NRG3: variants seen among roughly 807,000 people sequenced by gnomAD.
NRG3 encodes the protein pro-neuregulin-3, membrane-bound isoform.
Under a neutral mutation model 66.9 loss-of-function variants are expected in NRG3, and 31 were observed. The ratio of observed to expected loss-of-function variants is 0.46; its 90% CI spans 0.35 to 0.63. The LOEUF is 0.63. Ranked by LOEUF, NRG3 falls within the 20% of genes least tolerant of loss-of-function variation. The pLI, the probability that NRG3 is intolerant of heterozygous loss-of-function variation, is 0.00. For synonymous variants in NRG3, 393 were observed against 359.4 expected, an observed-to-expected ratio of 1.09 and a Z score of -1.06; for missense variants, 910 against 878.9, an observed-to-expected ratio of 1.04 and a Z score of -0.45.
At chr10:82,560,403 T>A (rs2044958794) in intron 2 of NRG3, among the ~76,000 whole-genome samples, 1 of 151,198 alleles carries the variant, frequency 6.6e-6, no homozygotes, top group Non-Finnish European at 1.5e-5. Flanking sequence ...GTTTTATAAC[T>A]TTCTTATTAA....
rs764492006 is a variant in NRG3, at chr10:82,358,749, A to G, written c.834A>G (p.Thr278=). 5 of 1,614,154 alleles carry G rather than the reference A, an allele frequency of 3.1e-6. No homozygotes were observed. The South Asian group carries it at 3.3e-5, about 11-fold the overall frequency. The change falls in exon 2 of 9, where the codon ACA becomes ACG. Residue 278 remains threonine, a synonymous_variant. Coordinates refer to ENST00000372141, the MANE Select transcript of NRG3 (RefSeq NM_001010848.4). ...TGCTTTCCCTGACAGATACGACGAC[A>G]TATTCCACAGAGCGATCCGAGCACT... ...TSTSPKFHTT[T]YSTERSEHFK...
At chr10:82,288,237 T>C (rs1247629747) in intron 1 of NRG3, among the ~76,000 whole-genome samples, 1 of 152,224 alleles carries the variant, frequency 6.6e-6, no homozygotes, top group African/African-American at 2.4e-5. Context: ...GAGGCTGTTG[T>C]ATGCTACCCT....
intron 1 of NRG3, among the ~76,000 whole-genome samples, chr10:82,130,400 C>T (rs2068740160): frequency 6.6e-6 from 1 of 150,884 alleles, no homozygotes; most frequent in African/African-American, 2.5e-5. Flanking sequence ...ACAACAGGCC[C>T]CAGTGTGTGA....
At chr10:82,011,085 CT>C (rs2061556350) in intron 1 of NRG3, among the ~76,000 whole-genome samples, 1 of 152,090 alleles carries the variant, frequency 6.6e-6, no homozygotes, top group Admixed American at 6.6e-5. Context: ...CTGCATTGGT[CT>C]GTTGTCATGC....
intron 1 of NRG3, among the ~76,000 whole-genome samples, chr10:81,903,454 C>T (rs1473731599): frequency 2.0e-5 from 3 of 152,142 alleles, no homozygotes; most frequent in African/African-American, 7.2e-5. Flanking sequence ...ATTAAATAAG[C>T]TGGTGTAAGC....
chr10:82,402,926 CA>C (rs2087216377), intron 2 of NRG3, among the ~76,000 whole-genome samples: 1 of 152,078 alleles, frequency 6.6e-6, no homozygotes, highest in African/African-American at 2.4e-5. Flanking sequence ...AAATGTATCT[CA>C]ATAATTGAGT....
intron 1 of NRG3, among the ~76,000 whole-genome samples, chr10:81,946,487 G>A (rs111983785): frequency 4.6e-5 from 7 of 152,182 alleles, no homozygotes; most frequent in African/African-American, 9.6e-5. Context: ...TAATTGCCCC[G>A]GAAGGCTCTT....
intron 1 of NRG3, among the ~76,000 whole-genome samples, chr10:82,222,898 C>T (rs1277380918): frequency 6.6e-6 from 1 of 152,126 alleles, no homozygotes; most frequent in African/African-American, 2.4e-5. Flanking sequence ...GCTTTATTTT[C>T]CTGTCCTGTT....
At chr10:82,337,311 C>T (rs1397197299) in intron 1 of NRG3, among the ~76,000 whole-genome samples, 1 of 152,186 alleles carries the variant, frequency 6.6e-6, no homozygotes, top group Non-Finnish European at 1.5e-5. Flanking sequence ...TTTCAAGGTT[C>T]ACCCATGCTG....
chr10:82,495,599 T>C (rs1843553400), intron 2 of NRG3, among the ~76,000 whole-genome samples: 1 of 152,134 alleles, frequency 6.6e-6, no homozygotes, highest in African/African-American at 2.4e-5. Flanking sequence ...GCAGACAACA[T>C]AGACTTTGTG....
intron 3 of NRG3, among the ~76,000 whole-genome samples, chr10:82,840,358 C>G (rs2062996903): frequency 6.6e-6 from 1 of 152,056 alleles, no homozygotes; most frequent in South Asian, 2.1e-4. Context: ...TCCTTTTTCT[C>G]CTACTTTGTT....
At chr10:82,745,612 A>G (rs1276033225) in intron 3 of NRG3, among the ~76,000 whole-genome samples, 3 of 152,104 alleles carry the variant, frequency 2.0e-5, no homozygotes, top group Non-Finnish European at 4.4e-5. Flanking sequence ...GTCACCATGA[A>G]TCTCACAAAA....
At chr10:82,776,522 C>A (rs1422208148) in intron 3 of NRG3, among the ~76,000 whole-genome samples, 1 of 152,098 alleles carries the variant, frequency 6.6e-6, no homozygotes, top group Non-Finnish European at 1.5e-5. Flanking sequence ...CTTTATGTGC[C>A]TTTTTCCATC....
intron 3 of NRG3, among the ~76,000 whole-genome samples, chr10:82,746,576 C>T (rs1591392731): frequency 6.6e-6 from 1 of 152,198 alleles, no homozygotes; most frequent in Non-Finnish European, 1.5e-5. Context: ...TGTCATCTCT[C>T]CTCTGTCCTT....
intron 1 of NRG3, among the ~76,000 whole-genome samples, chr10:81,943,407 T>C (rs1278892973): frequency 6.6e-6 from 1 of 152,198 alleles, no homozygotes; most frequent in African/African-American, 2.4e-5. Context: ...TTTTGGGTTG[T>C]ATGTGCCATC....
chr10:81,982,005 C>T (rs1377784144), intron 1 of NRG3, among the ~76,000 whole-genome samples: 1 of 151,964 alleles, frequency 6.6e-6, no homozygotes, highest in Non-Finnish European at 1.5e-5. Context: ...CAAAACATAC[C>T]TTTTATTTTT....
At chr10:82,918,633 G>T (rs913882199) in intron 4 of NRG3, among the ~76,000 whole-genome samples, 6 of 152,130 alleles carry the variant, frequency 3.9e-5, no homozygotes, top group African/African-American at 1.4e-4. Context: ...CTTAGAGAGG[G>T]TTCAGCTAAC....
At chr10:82,014,797 A>C (rs191514024) in intron 1 of NRG3, among the ~76,000 whole-genome samples, 32 of 152,206 alleles carry the variant, frequency 2.1e-4, no homozygotes, top group African/African-American at 7.5e-4. Flanking sequence ...GCAGTAGGAA[A>C]CCTGAGATTT....
rs183713928 is a variant in NRG3 at position 82,612,418 on chromosome 10, G to A, written c.954-126159G>A. On this transcript the variant is annotated intron_variant, in intron 2 of 8. Transcript: ENST00000372141. ...ATAGCAAGATCCAGTAAAAATCAAT[G>A]TGATGTTAAATTTAAAATAAATTTG... Among the ~76,000 whole-genome samples the A allele has an allele frequency of 3.7e-3, 564 of 152,024 alleles. 4 individuals carry two copies. The highest frequency in any genetic ancestry group is 0.013 in the African/African-American group (531 of 41,452).
Sources: allele counts gnomAD v4.1 joint callset (sites outside exome capture counted in the v4.1 genomes callset), GRCh38; gene constraint gnomAD v4.1.1; transcripts MANE v1.5; gene names NCBI Gene and HGNC (gene_info 2026-07-23, HGNC 2026-07-21).